Variants in TRNT1 observed in about 807,000 individuals in gnomAD.
TRNT1 encodes CCA tRNA nucleotidyltransferase 1, mitochondrial.
A neutral mutation model predicts 45.6 loss-of-function variants in TRNT1; 44 were observed. The ratio of observed to expected loss-of-function variants is 0.97; its 90% CI spans 0.76 to 1.24. The LOEUF is 1.24. Ranked by LOEUF, TRNT1 falls within the 50% of genes most tolerant of loss-of-function variation. The pLI, the probability that TRNT1 is intolerant of heterozygous loss-of-function variation, is 0.00. For missense variants in TRNT1, 633 were observed against 504.4 expected (o/e 1.25, Z -2.44); for synonymous variants, 201 against 171.4 (o/e 1.17, Z -1.35).
At chr3:3,134,338 A>G (rs1216967971) in intron 2 of TRNT1, among the ~76,000 whole-genome samples, 1 of 152,174 alleles carries the variant, frequency 6.6e-6, no homozygotes, top group African/African-American at 2.4e-5. Context: ...CATATAGACA[A>G]ATATGCCTTG....
rs1706181879 is a variant in TRNT1, at chr3:3,148,060, T to C, written c.1211T>C (p.Ile404Thr). ...RKVGISSGKE[I>T]GALLQQLREQ... is the part of the protein sequence containing the mutation. ...GTGGGCATTTCTTCAGGAAAAGAAA[T>C]TGGGGCTCTATTACAACAGTTGCGA... Residue 404 changes from isoleucine to threonine, a missense_variant, in exon 8 of 8, where the codon ATT (isoleucine) becomes ACT (threonine). Coordinates refer to ENST00000251607, the MANE Select transcript of TRNT1 (RefSeq NM_182916.3). The C allele has an allele frequency of 3.7e-6, 6 of 1,613,878 alleles. No individual in the cohort carries two copies. The highest frequency in any genetic ancestry group is 4.2e-6 in the Non-Finnish European group (5 of 1,179,832).
At chr3:3,150,838 AGATAACTTT>A (rs1339313042), downstream of TRNT1, 5 of 1,560,044 alleles carry the variant, frequency 3.2e-6, no homozygotes, top group East Asian at 9.0e-5. Context: ...CCAATTTGTT[AGATAACTTT>A]ATCTCTATCA....
chr3:3,153,063 C>A, downstream of TRNT1: 1 of 303,682 alleles, frequency 3.3e-6, no homozygotes, highest in South Asian at 3.5e-5. Flanking sequence ...AGAAGCATGT[C>A]CTACTTTGGC....
In TRNT1 at chr3:3,137,472, AG is replaced by A. The variant is rs1307762652; in HGVS notation, c.342+21del. On this transcript the variant is annotated intron_variant, in intron 3 of 7. Transcript: ENST00000251607. ...TGCCAGGGTGAGTCAAAAGTTTGAC[AG>A]GTAATTACATTGCTTTTTTGGTAAT... 6.4e-7 allele frequency: 1 copy of A among 1,559,114 alleles called. No homozygotes were observed. Among genetic ancestry groups the A allele is most frequent in the Non-Finnish European group, 8.7e-7 (1 of 1,154,098 alleles).
chr3:3,150,574 G>A (rs1193365747), downstream of TRNT1: 1 of 269,862 alleles, frequency 3.7e-6, no homozygotes, highest in African/African-American at 2.3e-5. Context: ...ATGTCTTCAT[G>A]TCCCATCAAT....
At chr3:3,141,887 A>G (rs114572769) in intron 4 of TRNT1, among the ~76,000 whole-genome samples, 1,622 of 152,348 alleles carry the variant, frequency 0.011, 30 homozygotes, top group African/African-American at 0.037. Context: ...TAGGTACAAC[A>G]TTGGGTACCT....
intron 5 of TRNT1, chr3:3,145,495 T>C: frequency 1.2e-5 from 1 of 85,636 alleles, no homozygotes; most frequent in African/African-American, 4.2e-5. Context: ...AGAGCGAGAC[T>C]CCATCTCAAA....
chr3:3,143,520 C>T lies in TRNT1; in HGVS notation c.482-1064C>T, dbSNP rs116291617. ...GAACAGGACTGCCCATTTAACCACA[C>T]CCTTGCTAACACTGTTATCAAGTGT... On this transcript the variant is annotated intron_variant, in intron 4 of 7. Coordinates refer to ENST00000251607, the MANE Select transcript of TRNT1 (RefSeq NM_182916.3). Among the ~76,000 whole-genome samples the T allele has an allele frequency of 3.2e-3, 480 of 152,302 alleles. 1 individual carries two copies. Among genetic ancestry groups the T allele is most frequent in the African/African-American group, 0.011 (446 of 41,566 alleles).
chr3:3,132,743 A>C (rs1443094848), intron 2 of TRNT1, among the ~76,000 whole-genome samples: 12 of 127,626 alleles, frequency 9.4e-5, no homozygotes, highest in African/African-American at 1.5e-4. Context: ...AAAAAAAAAA[A>C]ACACAAAAAA....
intron 2 of TRNT1, 105 bp downstream of exon 2, chr3:3,129,293 T>TAAAAA: frequency 1.8e-6 from 2 of 1,092,602 alleles, no homozygotes; most frequent in African/African-American, 1.6e-5. Context: ...GTTGTTTTAA[T>TAAAAA]TATTTTTATT....
intron 3 of TRNT1, among the ~76,000 whole-genome samples, chr3:3,139,901 G>A (rs1185857741): frequency 6.6e-6 from 1 of 151,986 alleles, no homozygotes; most frequent in African/African-American, 2.4e-5. Context: ...TGGTTTTTTT[G>A]TATGTTTGGT....
At chr3:3,142,894 C>G (rs190326135) in intron 4 of TRNT1, among the ~76,000 whole-genome samples, 6 of 152,178 alleles carry the variant, frequency 3.9e-5, no homozygotes, top group East Asian at 1.9e-4. Flanking sequence ...GAATCTGGAG[C>G]CTTCGAAATT....
At chr3:3,134,976 GGTA>G (rs1376302573) in intron 2 of TRNT1, among the ~76,000 whole-genome samples, 1 of 151,990 alleles carries the variant, frequency 6.6e-6, no homozygotes, top group African/African-American at 2.4e-5. Context: ...TTTCCAACTG[GGTA>G]GTTACCTCTT....
intron 5 of TRNT1, among the ~76,000 whole-genome samples, chr3:3,145,952 A>G (rs921573312): frequency 6.6e-6 from 1 of 151,042 alleles, no homozygotes; most frequent in Non-Finnish European, 1.5e-5. Context: ...GCGCAACTAG[A>G]TGAGTCGTAT....
intron 3 of TRNT1, among the ~76,000 whole-genome samples, chr3:3,137,754 A>AC (rs1267819952): frequency 6.6e-6 from 1 of 152,264 alleles, no homozygotes; most frequent in Admixed American, 6.5e-5. Context: ...TTCTTACCAC[A>AC]CCCTTCTCAA....
At chr3:3,131,553 C>T (rs947217716) in intron 2 of TRNT1, 5 of 149,592 alleles carry the variant, frequency 3.3e-5, no homozygotes, top group Admixed American at 6.7e-5. Flanking sequence ...AAGATTTAAA[C>T]GTTAGACCTA....
downstream of TRNT1, chr3:3,150,745 T>C: frequency 1.0e-6 from 1 of 956,698 alleles, no homozygotes; most frequent in Non-Finnish European, 1.6e-6. Context: ...CCAAGTAATG[T>C]TATGTTTACT....
At chr3:3,128,621 AG>A (rs1238861364) in intron 1 of TRNT1, among the ~76,000 whole-genome samples, 6 of 148,258 alleles carry the variant, frequency 4.0e-5, no homozygotes, top group African/African-American at 1.2e-4. Context: ...AAAAAAAAAA[AG>A]AATTCCTTTG....
downstream of TRNT1, chr3:3,153,034 A>G (rs796822375): frequency 6.6e-6 from 2 of 302,132 alleles, no homozygotes; most frequent in African/African-American, 4.3e-5. Context: ...CTGTTATATC[A>G]GAGCATCAGT....
Sources: gnomAD v4.1 joint callset for allele counts (sites outside exome capture counted in the v4.1 genomes callset) on GRCh38, gnomAD v4.1.1 for gene constraint, MANE v1.5 for transcripts, NCBI Gene and HGNC (gene_info 2026-07-23, HGNC 2026-07-21) for gene names.